PRKAR2A: variants seen among roughly 807,000 people sequenced by gnomAD.
PRKAR2A encodes protein kinase cAMP-dependent type II regulatory subunit alpha.
PRKAR2A carries 29 observed loss-of-function variants against 51.9 expected under a neutral mutation model. The ratio of observed to expected loss-of-function variants is 0.56; its 90% confidence interval spans 0.42 to 0.76. The LOEUF is 0.76. Ranked by LOEUF, PRKAR2A falls within the 30% of genes least tolerant of loss-of-function variation. The probability of loss-of-function intolerance (pLI) is 0.00; values close to 1 mark genes in which losing one functional copy is unlikely to be tolerated. For synonymous variants in PRKAR2A, 178 were observed against 186.2 expected (o/e 0.96, Z 0.36); for missense variants, 445 against 512.1 (o/e 0.87, Z 1.26).
intron 1 of PRKAR2A, among the ~76,000 whole-genome samples, chr3:48,812,683 C>T (rs1157422767): frequency 2.0e-5 from 3 of 152,078 alleles, no homozygotes; most frequent in Non-Finnish European, 4.4e-5. Context: ...GGGGTTTCAC[C>T]GTGTTAGCCA....
chr3:48,751,739 G>A, intron 10 of PRKAR2A, 21 bp from the exon 11 acceptor site: 1 of 1,595,854 alleles, frequency 6.3e-7, no homozygotes, highest in Non-Finnish European at 8.6e-7. Flanking sequence ...AAAAAGAGGT[G>A]AGGGAGAGAA....
chr3:48,836,830 A>AT (rs943522311), intron 1 of PRKAR2A, among the ~76,000 whole-genome samples: 1 of 151,106 alleles, frequency 6.6e-6, no homozygotes, highest in African/African-American at 2.4e-5. Context: ...AAAAAAAAAA[A>AT]TTTTGTTTAG....
intron 1 of PRKAR2A, among the ~76,000 whole-genome samples, chr3:48,811,862 C>T (rs2082776686): frequency 6.6e-6 from 1 of 151,786 alleles, no homozygotes; most frequent in African/African-American, 2.4e-5. Flanking sequence ...AAGCCAGGCT[C>T]AAAAAAGACC....
At chr3:48,758,886 GT>G (rs1194752024) in intron 8 of PRKAR2A, among the ~76,000 whole-genome samples, 2 of 152,154 alleles carry the variant, frequency 1.3e-5, no homozygotes, top group African/African-American at 4.8e-5. Flanking sequence ...AGCAGGTAGC[GT>G]GAGTAGTTGG....
chr3:48,836,132 G>A (rs560740718), intron 1 of PRKAR2A, among the ~76,000 whole-genome samples: 14 of 151,992 alleles, frequency 9.2e-5, no homozygotes, highest in African/African-American at 3.4e-4. Context: ...AAAGAATAAA[G>A]TACTCGGCCA....
Position 48,809,616 on chromosome 3 carries a change from A to C in PRKAR2A, c.263-1932T>G, listed in dbSNP as rs906432751. ...ATCTCAAAAAAAAAAAAAAAAAAAAAAAAAAAACTATATAGTTTAGTGACA... is the reference window on the plus strand; with the variant it reads ...ATCTCAAAAAAAAAAAAAAAAAAAACAAAAAAACTATATAGTTTAGTGACA... On this transcript the variant is annotated intron_variant, in intron 1 of 10. Transcript: ENST00000265563. 3.4e-5 allele frequency among the ~76,000 whole-genome samples: 5 copies of C among 147,616 alleles called. No homozygotes were observed. The South Asian group carries it at 6.4e-4, about 19-fold the overall frequency.
At chr3:48,809,404 A>C (rs2082733418) in intron 1 of PRKAR2A, among the ~76,000 whole-genome samples, 3 of 151,772 alleles carry the variant, frequency 2.0e-5, no homozygotes, top group Admixed American at 6.6e-5. Flanking sequence ...TAGCCTGGCA[A>C]ACATGGTGAA....
chr3:48,823,728 G>A (rs1358534944), intron 1 of PRKAR2A, among the ~76,000 whole-genome samples: 2 of 143,456 alleles, frequency 1.4e-5, no homozygotes, highest in Admixed American at 7.3e-5. Flanking sequence ...CGAGGCTGCT[G>A]CAAGCCATGA....
chr3:48,846,803 C>T (rs2083470408), intron 1 of PRKAR2A, among the ~76,000 whole-genome samples: 1 of 152,096 alleles, frequency 6.6e-6, no homozygotes, highest in Non-Finnish European at 1.5e-5. Flanking sequence ...TAATACACTT[C>T]GGCAAAGAAA....
At chr3:48,846,636 G>A (rs2083467818) in intron 1 of PRKAR2A, among the ~76,000 whole-genome samples, 1 of 152,182 alleles carries the variant, frequency 6.6e-6, no homozygotes, top group Non-Finnish European at 1.5e-5. Flanking sequence ...GACTATAGGG[G>A]CCCACTGCCC....
intron 1 of PRKAR2A, among the ~76,000 whole-genome samples, chr3:48,829,847 G>GTGTGTATATATA (rs777532795): frequency 2.7e-4 from 17 of 63,750 alleles, no homozygotes; most frequent in Non-Finnish European, 3.9e-4. Flanking sequence ...ATGCGTGTGT[G>GTGTGTATATATA]TATATATATA....
At chr3:48,842,911 G>A (rs953031416) in intron 1 of PRKAR2A, among the ~76,000 whole-genome samples, 2 of 152,158 alleles carry the variant, frequency 1.3e-5, no homozygotes, top group African/African-American at 4.8e-5. Context: ...TTTGGTATCA[G>A]GATGATGCTG....
intron 4 of PRKAR2A, among the ~76,000 whole-genome samples, chr3:48,785,278 T>TG (rs2082270640): frequency 6.7e-6 from 1 of 149,806 alleles, no homozygotes; most frequent in East Asian, 1.9e-4. Context: ...TTTTTTTTTT[T>TG]GAGACAGAGT....
At chr3:48,783,165 C>A in intron 4 of PRKAR2A, 73 bp from the exon 5 acceptor site, 1 of 947,142 alleles carries the variant, frequency 1.1e-6, no homozygotes, top group African/African-American at 1.6e-5. Flanking sequence ...ATAATTATCT[C>A]AATTTGTGAC....
intron 6 of PRKAR2A, among the ~76,000 whole-genome samples, chr3:48,771,296 C>T (rs770764229): frequency 3.4e-4 from 51 of 152,098 alleles, no homozygotes; most frequent in Middle Eastern, 3.4e-3. Flanking sequence ...CTGCTTGAGC[C>T]CAGAAGTTCA....
At chr3:48,785,895 C>T (rs2082283766) in intron 4 of PRKAR2A, among the ~76,000 whole-genome samples, 1 of 151,996 alleles carries the variant, frequency 6.6e-6, no homozygotes, top group African/African-American at 2.4e-5. Flanking sequence ...TAAAGGGCAT[C>T]TGGGTATTCA....
At chr3:48,768,647 G>A (rs187393011) in intron 6 of PRKAR2A, among the ~76,000 whole-genome samples, 12 of 151,296 alleles carry the variant, frequency 7.9e-5, no homozygotes, top group Non-Finnish European at 1.6e-4. Flanking sequence ...GCAGTGAGCC[G>A]AGATCACACC....
chr3:48,758,521 C>T (rs1402657475), intron 8 of PRKAR2A, among the ~76,000 whole-genome samples: 3 of 142,284 alleles, frequency 2.1e-5, no homozygotes, highest in East Asian at 2.2e-4. Context: ...AGGTGGAGGT[C>T]GCAGTAAGCC....
intron 1 of PRKAR2A, among the ~76,000 whole-genome samples, chr3:48,839,677 T>C (rs2083345705): frequency 1.3e-5 from 2 of 152,192 alleles, no homozygotes; most frequent in South Asian, 2.1e-4. Context: ...ATAAACTGAA[T>C]TGGTGGTTAG....
Sources: allele counts gnomAD v4.1 joint callset (sites outside exome capture counted in the v4.1 genomes callset), GRCh38; gene constraint gnomAD v4.1.1; transcripts MANE v1.5; gene names NCBI Gene and HGNC (gene_info 2026-07-23, HGNC 2026-07-21).